Variants in CATSPERG observed in about 807,000 individuals in gnomAD.
CATSPERG encodes the protein catsper channel auxiliary subunit gamma, also known as cation channel sperm-associated auxiliary subunit gamma.
CATSPERG carries 115 observed loss-of-function variants against 145.0 expected under a neutral mutation model. The ratio of observed to expected loss-of-function variants is 0.79; its 90% confidence interval spans 0.68 to 0.93. The LOEUF (loss-of-function observed/expected upper bound fraction) is 0.93, where lower values mean the gene tolerates loss of function less well. Ranked by LOEUF, CATSPERG falls within the 40% of genes least tolerant of loss-of-function variation. The probability of loss-of-function intolerance (pLI) is 0.00; values close to 1 mark genes in which losing one functional copy is unlikely to be tolerated. For missense variants in CATSPERG, 1,296 were observed against 1,490.1 expected (o/e 0.87, Z 2.14); for synonymous variants, 588 against 589.0 (o/e 1.00, Z 0.02).
Position 38,336,580 on chromosome 19 carries a change from T to C in CATSPERG, c.-14-641T>C, listed in dbSNP as rs118050776. 187 of 279,908 alleles carry C rather than the reference T, an allele frequency of 6.7e-4. No homozygotes were observed. In the East Asian group the frequency reaches 0.016, roughly 24 times the overall value. The allele number at this position is 279,908 out of a possible 1,614,324, so 17.3% of individuals were successfully genotyped here. A position where few individuals can be genotyped will look rare whatever the true frequency, so the allele number is the denominator to read the frequency against. On this transcript the variant is annotated intron_variant, in intron 1 of 28. Coordinates refer to ENST00000409235, the MANE Select transcript of CATSPERG (RefSeq NM_021185.5). ...CGGAGACGGGCGAGACCAGGTACAG[T>C]ACCCAGCCCCTGGGCAGACCCCGAG... is the stretch of plus-strand genomic sequence containing the variant.
At chr19:38,362,117 C>T in intron 17 of CATSPERG, 93 bp from the exon 18 acceptor site, 1 of 1,393,518 alleles carries the variant, frequency 7.2e-7, no homozygotes, top group Non-Finnish European at 9.9e-7. Flanking sequence ...TGGGGGCTGG[C>T]TTTGAGGCTA....
At chr19:38,357,777 C>T (rs1264294133) in intron 11 of CATSPERG, among the ~76,000 whole-genome samples, 1 of 152,132 alleles carries the variant, frequency 6.6e-6, no homozygotes, top group African/African-American at 2.4e-5. Context: ...CATGGTGAAA[C>T]CCTGTCTCTA....
chr19:38,356,600 A>C, intron 10 of CATSPERG, 57 bp downstream of exon 10: 1 of 1,599,622 alleles, frequency 6.3e-7, no homozygotes. Flanking sequence ...AGGATGCAGA[A>C]GAGCAGGGGA....
At chr19:38,347,999 C>CA (rs1261494112) in intron 7 of CATSPERG, among the ~76,000 whole-genome samples, 5 of 151,814 alleles carry the variant, frequency 3.3e-5, no homozygotes, top group Non-Finnish European at 7.4e-5. Flanking sequence ...AAGCCCTACT[C>CA]ACAATTTCTG....
intron 6 of CATSPERG, among the ~76,000 whole-genome samples, chr19:38,346,221 CAG>C (rs747594512): frequency 3.3e-5 from 5 of 152,088 alleles, no homozygotes; most frequent in Non-Finnish European, 7.4e-5. Flanking sequence ...TCAGGAGAAA[CAG>C]AGGCCCTGAG....
At chr19:38,363,334 C>T (rs931853029) in intron 20 of CATSPERG, among the ~76,000 whole-genome samples, 4 of 151,996 alleles carry the variant, frequency 2.6e-5, no homozygotes, top group African/African-American at 7.3e-5. Flanking sequence ...GCCACTGCAC[C>T]CAGCCTTAAC....
intron 11 of CATSPERG, 63 bp from the exon 12 acceptor site, chr19:38,358,215 C>G: frequency 6.4e-7 from 1 of 1,551,940 alleles, no homozygotes; most frequent in Non-Finnish European, 8.9e-7. Flanking sequence ...ACAACTTGCT[C>G]CAGCTCCAGG....
chr19:38,358,584 T>TG lies in CATSPERG; in HGVS notation c.1496+26dup, dbSNP rs1970288382. ...GAGGTGGGCCTCTACCACCCCTGGG[T>TG]GGGCCAGGCATACTCTGTCTCCCCA... On this transcript the variant is annotated intron_variant, in intron 13 of 28. Coordinates refer to ENST00000409235, the MANE Select transcript of CATSPERG (RefSeq NM_021185.5). 2.5e-6 allele frequency: 4 copies of TG among 1,613,788 alleles called. No individual in the cohort carries two copies. In the African/African-American group the frequency reaches 4.0e-5, roughly 16 times the overall value.
chr19:38,337,036 C>A, intron 1 of CATSPERG, 185 bp from the exon 2 acceptor site: 1 of 689,994 alleles, frequency 1.4e-6, no homozygotes, highest in Non-Finnish European at 2.4e-6. Flanking sequence ...AAAGTCCGTG[C>A]GGGGGCAGGG....
rs758260044 is a variant in CATSPERG, at chr19:38,358,489, T to C, written c.1424T>C (p.Met475Thr). 6.2e-7 allele frequency: 1 copy of C among 1,614,200 alleles called. No homozygotes were observed. The highest frequency in any genetic ancestry group is 1.1e-5 in the South Asian group (1 of 91,084). The change falls in exon 13 of 29, where the codon ATG becomes ACG. Residue 475 changes from methionine (M) to threonine (T), a missense_variant. Met to Thr is a moderately conservative substitution (Grantham distance 81, BLOSUM62 -1). Transcript: ENST00000409235. Reference protein sequence around the residue: ...LGTESYTSTAMAPKGIFCNPY... With the variant: ...LGTESYTSTATAPKGIFCNPY... ...ACAGAGTCCTACACCAGCACTGCAATGGCCCCCAAGGGCATCTTCTGTAAC... is the reference window on the plus strand; with the variant it reads ...ACAGAGTCCTACACCAGCACTGCAACGGCCCCCAAGGGCATCTTCTGTAAC...
intron 8 of CATSPERG, among the ~76,000 whole-genome samples, chr19:38,353,066 G>A (rs1970175914): frequency 6.7e-6 from 1 of 148,264 alleles, no homozygotes; most frequent in South Asian, 2.1e-4. Flanking sequence ...GGGCATGGTG[G>A]CTCATGCCTG....
intron 8 of CATSPERG, among the ~76,000 whole-genome samples, chr19:38,354,190 A>T (rs998033878): frequency 6.6e-6 from 1 of 151,976 alleles, no homozygotes; most frequent in African/African-American, 2.4e-5. Flanking sequence ...AGTGGGAGGA[A>T]CCAAATTCAA....
chr19:38,358,916 C>T (rs1970295673), intron 13 of CATSPERG, among the ~76,000 whole-genome samples: 1 of 152,024 alleles, frequency 6.6e-6, no homozygotes, highest in African/African-American at 2.4e-5. Context: ...GTGGCAAAAT[C>T]TCGGCTCACT....
rs374578780 is a variant in CATSPERG, at chr19:38,343,598, C to T, written c.343C>T (p.Arg115Cys). ...CEEKPSEDLV[R>C]MGHLTGLKPL... Reference sequence around the variant, plus strand: ...CCCTCAGCCCTCTGAGGACCTGGTGCGCATGGGCCACCTGACGGGGCTAAA... The same window carrying T: ...CCCTCAGCCCTCTGAGGACCTGGTGTGCATGGGCCACCTGACGGGGCTAAA... The change falls in exon 4 of 29, where the codon CGC (arginine) becomes TGC (cysteine). Residue 115 changes from arginine (R) to cysteine (C), a missense_variant. Arg to Cys is a radical substitution (Grantham distance 180). Transcript: ENST00000409235. 2.1e-5 allele frequency: 32 copies of T among 1,549,936 alleles called. No individual in the cohort carries two copies. Among genetic ancestry groups the T allele is most frequent in the African/African-American group, 1.9e-4 (14 of 73,016 alleles).
chr19:38,352,286 G>T lies in CATSPERG; in HGVS notation c.851G>T (p.Gly284Val). 2 of 1,551,428 alleles carry T rather than the reference G, an allele frequency of 1.3e-6. No homozygotes were observed. The highest frequency in any genetic ancestry group is 1.7e-6 in the Non-Finnish European group (2 of 1,147,062). Residue 284 changes from glycine (G) to valine (V), a missense_variant, in exon 8 of 29, where the codon GGC (glycine) becomes GTC (valine). Transcript: ENST00000409235. ...VELSIDSCWV[G>V]SFYCPHSGFT... ...CTGAGCATTGACAGTTGCTGGGTGG[G>T]CTCCTTCTACTGCCCCCATTCTGGC...
At chr19:38,359,984 G>GCAAGAA in intron 14 of CATSPERG, 1 of 1,042,302 alleles carries the variant, frequency 9.6e-7, no homozygotes, top group Non-Finnish European at 1.2e-6. Context: ...GGGCTTCATG[G>GCAAGAA]GGGAGACCAC....
chr19:38,342,650 A>G (rs1185045833), intron 3 of CATSPERG, among the ~76,000 whole-genome samples: 2 of 151,526 alleles, frequency 1.3e-5, no homozygotes, highest in Non-Finnish European at 2.9e-5. Context: ...GAAAGTAAAG[A>G]AAGTCAGCCC....
At chr19:38,336,962 A>T (rs1969849163) in intron 1 of CATSPERG, 1 of 551,926 alleles carries the variant, frequency 1.8e-6, no homozygotes, top group Non-Finnish European at 3.3e-6. Flanking sequence ...CAGGAGCAAG[A>T]GCAGGGGCGG....
At chr19:38,359,887 C>CAT in intron 14 of CATSPERG, 2 of 1,121,868 alleles carry the variant, frequency 1.8e-6, no homozygotes, top group Non-Finnish European at 2.2e-6. Flanking sequence ...CTGGAGAACA[C>CAT]AGAGTGATCA....
Sources: allele counts gnomAD v4.1 joint callset (sites outside exome capture counted in the v4.1 genomes callset), GRCh38; gene constraint gnomAD v4.1.1; transcripts MANE v1.5; gene names NCBI Gene and HGNC (gene_info 2026-07-23, HGNC 2026-07-21).